Variants in CREB5 observed in about 807,000 individuals in gnomAD.
CREB5 encodes the protein cAMP responsive element binding protein 5.
CREB5 carries 19 observed loss-of-function variants against 57.1 expected under a neutral mutation model. The ratio of observed to expected loss-of-function variants is 0.33; its 90% confidence interval spans 0.23 to 0.49. CREB5 has a LOEUF of 0.49. Among genes scored for constraint, CREB5 ranks in the 20% least tolerant of loss-of-function variants. CREB5 has a pLI of 0.99. For synonymous variants in CREB5, 238 were observed against 238.3 expected, an observed-to-expected ratio of 1.00 and a Z score of 0.01; for missense variants, 579 against 671.6, an observed-to-expected ratio of 0.86 and a Z score of 1.52.
At chr7:28,594,884 A>G (rs534335870) in intron 5 of CREB5, among the ~76,000 whole-genome samples, 12 of 152,108 alleles carry the variant, frequency 7.9e-5, no homozygotes, top group Non-Finnish European at 1.6e-4. Flanking sequence ...TGTTTTCTAC[A>G]GGCCACTTCC....
chr7:28,804,790 G>A (rs1808610404), intron 8 of CREB5, among the ~76,000 whole-genome samples: 1 of 152,206 alleles, frequency 6.6e-6, no homozygotes, highest in Non-Finnish European at 1.5e-5. Flanking sequence ...TATTTTTGCA[G>A]TGTGTCAGAA....
At chr7:28,567,711 T>C (rs1795537848) in intron 4 of CREB5, among the ~76,000 whole-genome samples, 2 of 152,152 alleles carry the variant, frequency 1.3e-5, no homozygotes, top group Admixed American at 1.3e-4. Flanking sequence ...GGCAAGGGCA[T>C]TGGCGTTAGA....
chr7:28,487,960 C>G (rs1010442566), intron 1 of CREB5, among the ~76,000 whole-genome samples: 2 of 152,124 alleles, frequency 1.3e-5, no homozygotes, highest in East Asian at 3.9e-4. Context: ...AGTATGCACT[C>G]GAGTAAAGGA....
intron 5 of CREB5, among the ~76,000 whole-genome samples, chr7:28,655,830 CTTTG>C (rs1799312655): frequency 6.6e-6 from 1 of 152,022 alleles, no homozygotes; most frequent in African/African-American, 2.4e-5. Flanking sequence ...TTGTTTATAT[CTTTG>C]TTTGTTTTAC....
intron 1 of CREB5, among the ~76,000 whole-genome samples, chr7:28,333,125 C>T (rs891991412): frequency 1.3e-5 from 2 of 152,204 alleles, no homozygotes; most frequent in African/African-American, 4.8e-5. Flanking sequence ...GGGAATGCTC[C>T]TAACTTGTGT....
Position 28,379,883 on chromosome 7 carries a change from C to T in CREB5, c.-25+80442C>T, listed in dbSNP as rs114690052. On this transcript the variant is annotated intron_variant, in intron 1 of 9. Transcript: ENST00000396299. ...AGTTAGAAATTCTGCAGGAGGAGTT[C>T]GGAAATCAGTATTTTGTTTTGTTTT... Among the ~76,000 whole-genome samples, 4 of 152,216 alleles carry T rather than the reference C, an allele frequency of 2.6e-5. No homozygotes were observed. The South Asian group carries it at 8.3e-4, about 32-fold the overall frequency.
At chr7:28,774,854 A>G (rs1806531300) in intron 7 of CREB5, among the ~76,000 whole-genome samples, 1 of 152,206 alleles carries the variant, frequency 6.6e-6, no homozygotes, top group Non-Finnish European at 1.5e-5. Context: ...GTCCTCAAAC[A>G]GACTTCAGCA....
chr7:28,560,901 C>CGCGCGTGCGT (rs1318665693), intron 4 of CREB5, among the ~76,000 whole-genome samples: 1 of 21,648 alleles, frequency 4.6e-5, no homozygotes, highest in Non-Finnish European at 9.4e-5. Context: ...TGTGTGCGTG[C>CGCGCGTGCGT]GCGCGTGCGT....
Position 28,819,318 on chromosome 7 carries a change from C to A in CREB5, c.*39C>A. On this transcript the variant is annotated 3_prime_UTR_variant, in exon 11 of 11. Transcript: ENST00000357727. ...ACCTGGCCTCCAAGAAGAGCTGTAG[C>A]GTACCATGCGTCCTTTCTTTTAAGG... 1 of 1,582,912 alleles carries A rather than the reference C, an allele frequency of 6.3e-7. No homozygotes were observed.
intron 1 of CREB5, among the ~76,000 whole-genome samples, chr7:28,349,427 C>T (rs1420286904): frequency 6.6e-6 from 1 of 151,548 alleles, no homozygotes; most frequent in Non-Finnish European, 1.5e-5. Flanking sequence ...ATACAAATTC[C>T]CCCCATTCCC....
intron 1 of CREB5, among the ~76,000 whole-genome samples, chr7:28,314,670 A>G (rs1467862364): frequency 6.6e-6 from 1 of 152,194 alleles, no homozygotes; most frequent in Admixed American, 6.5e-5. Context: ...GTGAGCAGCG[A>G]CACACTACCC....
intron 7 of CREB5, among the ~76,000 whole-genome samples, chr7:28,735,053 A>G (rs1803893427): frequency 6.6e-6 from 1 of 152,152 alleles, no homozygotes; most frequent in South Asian, 2.1e-4. Flanking sequence ...TTTACTAATT[A>G]TACTTTCATT....
chr7:28,508,846 T>G (rs1287217576), intron 4 of CREB5, among the ~76,000 whole-genome samples: 1 of 152,206 alleles, frequency 6.6e-6, no homozygotes, highest in Non-Finnish European at 1.5e-5. Context: ...TGAAGTGCCT[T>G]TTTTCTTTTT....
intron 1 of CREB5, among the ~76,000 whole-genome samples, chr7:28,398,571 T>C (rs538041094): frequency 2.6e-5 from 4 of 152,348 alleles, no homozygotes; most frequent in African/African-American, 9.6e-5. Flanking sequence ...ATAGGGAGAA[T>C]ATATATTGCT....
intron 1 of CREB5, among the ~76,000 whole-genome samples, chr7:28,434,371 A>G (rs1057478344): frequency 5.3e-5 from 8 of 152,196 alleles, no homozygotes; most frequent in African/African-American, 1.9e-4. Context: ...TCGAATGCCA[A>G]AATTCAACAC....
At chr7:28,444,675 C>T (rs1789351878) in intron 1 of CREB5, among the ~76,000 whole-genome samples, 1 of 152,170 alleles carries the variant, frequency 6.6e-6, no homozygotes, top group African/African-American at 2.4e-5. Context: ...TAGTATAGCA[C>T]AGTGAGAATT....
intron 1 of CREB5, among the ~76,000 whole-genome samples, chr7:28,375,107 G>A (rs1315662044): frequency 6.6e-6 from 1 of 152,104 alleles, no homozygotes; most frequent in Non-Finnish European, 1.5e-5. Context: ...GAATTTTATG[G>A]TATGTAAAGC....
In CREB5 at chr7:28,513,561, A is replaced by G. The variant is rs571934866; in HGVS notation, c.291+5824A>G. The G allele has an allele frequency of 5.4e-4, 82 of 150,676 alleles. No homozygotes were observed. The East Asian group carries it at 0.015, about 28-fold the overall frequency. The allele number at this position is 150,676 out of a possible 1,614,324, so 9.3% of individuals were successfully genotyped here. A position where few individuals can be genotyped will look rare whatever the true frequency, so the allele number is the denominator to read the frequency against. ...CTGAAAACCCTAAGGCTTATATTAT[A>G]AGGATTCTTTTTGTCCTCCCATTTC... is the stretch of plus-strand genomic sequence containing the variant. On this transcript the variant is annotated intron_variant, in intron 4 of 10. Transcript: ENST00000357727.
rs537318803 is a variant in CREB5, at chr7:28,642,823, G to A, written c.464+72286G>A. 2.0e-5 allele frequency among the ~76,000 whole-genome samples: 3 copies of A among 152,208 alleles called. No homozygotes were observed. In the South Asian group the frequency reaches 6.2e-4, roughly 32 times the overall value. On this transcript the variant is annotated intron_variant, in intron 5 of 10. Coordinates refer to ENST00000357727, the MANE Select transcript of CREB5 (RefSeq NM_182898.4). ...GATCAGAGTACAGATGGGAGCAGAT[G>A]TAAATGGCATATGTAATAGCTAGCA...
Sources: allele counts gnomAD v4.1 joint callset (sites outside exome capture counted in the v4.1 genomes callset), GRCh38; gene constraint gnomAD v4.1.1; transcripts MANE v1.5; gene names NCBI Gene and HGNC (gene_info 2026-07-23, HGNC 2026-07-21).